Variants in NRXN1 observed in about 807,000 individuals in gnomAD.
NRXN1 encodes neurexin-1.
NRXN1 carries 39 observed loss-of-function variants against 150.9 expected under a neutral mutation model. The ratio of observed to expected loss-of-function variants is 0.26; its 90% CI spans 0.20 to 0.34. The LOEUF is 0.34. Ranked by LOEUF, NRXN1 falls within the 10% of genes least tolerant of loss-of-function variation. The pLI, the probability that NRXN1 is intolerant of heterozygous loss-of-function variation, is 1.00. For missense variants in NRXN1, 1,815 were observed against 1,949.9 expected, an observed-to-expected ratio of 0.93 and a Z score of 1.30; for synonymous variants, 924 against 757.0, an observed-to-expected ratio of 1.22 and a Z score of -3.62.
intron 21 of NRXN1, among the ~76,000 whole-genome samples, chr2:50,050,614 G>A (rs536613857): frequency 6.6e-6 from 1 of 152,028 alleles, no homozygotes; most frequent in Admixed American, 6.6e-5. Context: ...TGTAAAAATA[G>A]GTCAAAGTTT....
intron 16 of NRXN1, chr2:50,466,532 A>T (rs1372151696): frequency 1.7e-5 from 8 of 459,184 alleles, no homozygotes; most frequent in South Asian, 6.2e-5. Context: ...ATTAAATGTT[A>T]GTAAGCAATA....
intron 5 of NRXN1, among the ~76,000 whole-genome samples, chr2:50,840,354 G>A (rs1672689048): frequency 6.6e-6 from 1 of 152,052 alleles, no homozygotes; most frequent in Admixed American, 6.6e-5. Context: ...AAACTCAAAA[G>A]ATACACTTAT....
At chr2:50,411,549 C>T (rs1378494200) in intron 17 of NRXN1, among the ~76,000 whole-genome samples, 1 of 151,894 alleles carries the variant, frequency 6.6e-6, no homozygotes, top group African/African-American at 2.4e-5. Flanking sequence ...AAGAGCGCCT[C>T]TGCCCGGCTG....
At chr2:50,476,408 T>G (rs544068417) in intron 15 of NRXN1, among the ~76,000 whole-genome samples, 2 of 152,188 alleles carry the variant, frequency 1.3e-5, no homozygotes, top group South Asian at 4.1e-4. Flanking sequence ...GTAGGCAAGT[T>G]AGGTTACATA....
At chr2:50,506,686 T>C in intron 12 of NRXN1, 69 bp from the exon 13 acceptor site, 2 of 1,518,384 alleles carry the variant, frequency 1.3e-6, no homozygotes, top group Non-Finnish European at 1.8e-6. Context: ...TCACAGAGAG[T>C]GAGAGAAAGA....
intron 17 of NRXN1, among the ~76,000 whole-genome samples, chr2:50,288,989 C>T (rs1312723108): frequency 4.0e-5 from 6 of 148,432 alleles, no homozygotes; most frequent in African/African-American, 7.5e-5. Flanking sequence ...AAGAGAAGCT[C>T]GTAAGAAAGG....
At chr2:50,075,851 T>C (rs991816746) in intron 19 of NRXN1, among the ~76,000 whole-genome samples, 2 of 151,346 alleles carry the variant, frequency 1.3e-5, no homozygotes, top group Admixed American at 1.3e-4. Context: ...TGCACATGAC[T>C]TGGAGACCCA....
intron 8 of NRXN1, among the ~76,000 whole-genome samples, chr2:50,554,690 T>C (rs1291937860): frequency 6.6e-6 from 1 of 152,160 alleles, no homozygotes; most frequent in Non-Finnish European, 1.5e-5. Flanking sequence ...TCTAAATTTA[T>C]CCATAGGAAA....
intron 5 of NRXN1, among the ~76,000 whole-genome samples, chr2:50,744,577 C>T (rs949235408): frequency 6.6e-6 from 1 of 152,066 alleles, no homozygotes; most frequent in Non-Finnish European, 1.5e-5. Flanking sequence ...AATGGTCCTT[C>T]ATTTATTCTA....
chr2:50,656,628 G>C (rs569043138), intron 5 of NRXN1, among the ~76,000 whole-genome samples: 1 of 151,672 alleles, frequency 6.6e-6, no homozygotes, highest in African/African-American at 2.4e-5. Context: ...CAGGAATTCC[G>C]TTTGTACCAC....
chr2:50,989,194 T>C (rs1026787433), intron 2 of NRXN1, among the ~76,000 whole-genome samples: 3 of 152,040 alleles, frequency 2.0e-5, no homozygotes, highest in Non-Finnish European at 4.4e-5. Flanking sequence ...TTTGTTTTAA[T>C]GTCTCCAAGA....
chr2:50,221,925 G>C (rs1340197203), intron 18 of NRXN1, among the ~76,000 whole-genome samples: 2 of 151,926 alleles, frequency 1.3e-5, no homozygotes, highest in African/African-American at 2.4e-5. Context: ...TACTCTGTTT[G>C]TTATATTAAG....
intron 18 of NRXN1, among the ~76,000 whole-genome samples, chr2:50,216,420 A>T (rs2063405325): frequency 6.6e-6 from 1 of 152,048 alleles, no homozygotes; most frequent in Non-Finnish European, 1.5e-5. Context: ...TTGAATGAGG[A>T]TACTGTATTT....
chr2:50,376,168 G>T (rs752142399), intron 17 of NRXN1, among the ~76,000 whole-genome samples: 1 of 151,536 alleles, frequency 6.6e-6, no homozygotes, highest in Non-Finnish European at 1.5e-5. Context: ...TACACAAATT[G>T]CAATTGAAGC....
chr2:50,373,804 T>C (rs536671982), intron 17 of NRXN1, among the ~76,000 whole-genome samples: 8 of 152,202 alleles, frequency 5.3e-5, no homozygotes, highest in African/African-American at 1.9e-4. Context: ...TTAAAATCAT[T>C]TGCAGGTCTT....
intron 9 of NRXN1, among the ~76,000 whole-genome samples, chr2:50,546,878 G>A (rs931258585): frequency 2.0e-5 from 3 of 152,124 alleles, no homozygotes; most frequent in Non-Finnish European, 4.4e-5. Flanking sequence ...AGGCTACTAG[G>A]CAGAGGCATG....
intron 2 of NRXN1, among the ~76,000 whole-genome samples, chr2:51,005,059 C>T (rs1700542878): frequency 6.6e-6 from 1 of 151,848 alleles, no homozygotes; most frequent in Non-Finnish European, 1.5e-5. Context: ...AAAATAGTCA[C>T]ATTTTTCTTG....
chr2:50,017,726 T>C (rs1008388499), intron 21 of NRXN1, among the ~76,000 whole-genome samples: 3 of 150,518 alleles, frequency 2.0e-5, no homozygotes, highest in Non-Finnish European at 4.4e-5. Flanking sequence ...ATCTAATGAC[T>C]CATCAATTCA....
intron 5 of NRXN1, among the ~76,000 whole-genome samples, chr2:50,851,480 C>T (rs556264294): frequency 6.6e-6 from 1 of 152,194 alleles, no homozygotes; most frequent in Non-Finnish European, 1.5e-5. Context: ...GCAATGGCCT[C>T]CTCTCTCTGA....
Sources: gnomAD v4.1 joint callset for allele counts (sites outside exome capture counted in the v4.1 genomes callset) on GRCh38, gnomAD v4.1.1 for gene constraint, MANE v1.5 for transcripts, NCBI Gene and HGNC (gene_info 2026-07-23, HGNC 2026-07-21) for gene names.